PACRG: variants seen among roughly 807,000 people sequenced by gnomAD.
PACRG encodes parkin coregulated, also known as parkin coregulated gene protein.
Under a neutral mutation model 29.7 loss-of-function variants are expected in PACRG, and 29 were observed. The ratio of observed to expected loss-of-function variants is 0.98; its 90% confidence interval spans 0.73 to 1.33. The LOEUF (loss-of-function observed/expected upper bound fraction) is 1.33, where lower values mean the gene tolerates loss of function less well. PACRG is among the 40% of genes most tolerant of loss of function. The pLI is 0.00. For synonymous variants in PACRG, 116 were observed against 118.7 expected (o/e 0.98, Z 0.15); for missense variants, 279 against 316.2 (o/e 0.88, Z 0.89).
chr6:163,174,231 C>CA (rs200099919), intron 4 of PACRG, among the ~76,000 whole-genome samples: 1 of 151,634 alleles, frequency 6.6e-6, no homozygotes, highest in East Asian at 1.9e-4. Context: ...AAACAAATTG[C>CA]AAAAAAAATC....
At chr6:162,989,722 C>CTG (rs1554327873) in intron 2 of PACRG, among the ~76,000 whole-genome samples, 1 of 142,042 alleles carries the variant, frequency 7.0e-6, no homozygotes, top group Admixed American at 7.0e-5. Context: ...TCAGTACTTC[C>CTG]TTTTTTTTTT....
At chr6:163,225,177 T>A (rs938673138) in intron 4 of PACRG, among the ~76,000 whole-genome samples, 3 of 152,192 alleles carry the variant, frequency 2.0e-5, no homozygotes, top group African/African-American at 7.2e-5. Flanking sequence ...ATGGCTAATA[T>A]CAAAATGACA....
At chr6:163,079,953 A>G (rs1204968096) in intron 3 of PACRG, among the ~76,000 whole-genome samples, 1 of 124,366 alleles carries the variant, frequency 8.0e-6, no homozygotes, top group Non-Finnish European at 1.6e-5. Context: ...GCTGGAGTGC[A>G]GTGGCGCGGT....
At chr6:162,981,172 T>G (rs7747887) in intron 2 of PACRG, among the ~76,000 whole-genome samples, 62,584 of 151,428 alleles carry the variant, frequency 0.41, 13,192 homozygotes, top group East Asian at 0.7. Context: ...TCACTTGGAA[T>G]AATACTCTCC....
At chr6:162,870,430 T>C (rs1438636321) in intron 2 of PACRG, among the ~76,000 whole-genome samples, 1 of 152,246 alleles carries the variant, frequency 6.6e-6, no homozygotes, top group East Asian at 1.9e-4. Flanking sequence ...TTTTTTAAAA[T>C]TCTTATTTCC....
intron 2 of PACRG, among the ~76,000 whole-genome samples, chr6:162,821,531 A>C (rs1787840037): frequency 1.3e-5 from 2 of 152,186 alleles, no homozygotes; most frequent in South Asian, 4.1e-4. Flanking sequence ...GTTGAAAAGT[A>C]GGTCTTGGTA....
At chr6:162,995,789 T>C (rs1021599915) in intron 2 of PACRG, among the ~76,000 whole-genome samples, 25 of 152,220 alleles carry the variant, frequency 1.6e-4, no homozygotes, top group African/African-American at 6.0e-4. Context: ...TAAGCCTGAG[T>C]AATATCCTGT....
In PACRG at chr6:162,757,713, A is replaced by T. The variant is rs180684531; in HGVS notation, c.156+29322A>T. Among the ~76,000 whole-genome samples the T allele has an allele frequency of 3.9e-5, 6 of 152,196 alleles. No homozygotes were observed. The East Asian group carries it at 9.7e-4, about 24-fold the overall frequency. ...CAGAGCGAGACTCTGTCTAAAAAAT[A>T]AATAAATAAATAAATAAAATTAAAA... On this transcript the variant is annotated intron_variant, in intron 1 of 4. Transcript: ENST00000366888.
chr6:163,112,743 C>T (rs971685006), intron 4 of PACRG, among the ~76,000 whole-genome samples: 2 of 152,120 alleles, frequency 1.3e-5, no homozygotes, highest in African/African-American at 2.4e-5. Context: ...CAACAGAGAA[C>T]AATTTTTTTA....
intron 2 of PACRG, among the ~76,000 whole-genome samples, chr6:163,043,617 T>A (rs1157234678): frequency 1.3e-5 from 2 of 152,048 alleles, no homozygotes; most frequent in Non-Finnish European, 2.9e-5. Flanking sequence ...GGGGTCTGAA[T>A]GGTGGTATTG....
chr6:162,768,960 CTG>C (rs1437273693), intron 1 of PACRG, among the ~76,000 whole-genome samples: 2 of 152,156 alleles, frequency 1.3e-5, no homozygotes, highest in African/African-American at 4.8e-5. Context: ...GTATAGCACT[CTG>C]TGCTTAACCC....
chr6:163,248,932 C>T (rs1782795907), intron 4 of PACRG, among the ~76,000 whole-genome samples: 1 of 147,754 alleles, frequency 6.8e-6, no homozygotes, highest in Non-Finnish European at 1.5e-5. Context: ...AGGAGAATGG[C>T]GTGAACCCGG....
chr6:163,022,652 T>G (rs1014326411), intron 2 of PACRG, among the ~76,000 whole-genome samples: 5 of 152,262 alleles, frequency 3.3e-5, no homozygotes, highest in African/African-American at 1.2e-4. Flanking sequence ...AGTTATTACA[T>G]GTAATGAAAT....
chr6:162,934,369 C>G (rs555111363), intron 2 of PACRG, among the ~76,000 whole-genome samples: 6 of 152,312 alleles, frequency 3.9e-5, no homozygotes, highest in African/African-American at 1.4e-4. Context: ...GGCTCAAACA[C>G]CTTCCATTAG....
At chr6:163,234,338 T>C (rs1782153741) in intron 4 of PACRG, among the ~76,000 whole-genome samples, 1 of 152,160 alleles carries the variant, frequency 6.6e-6, no homozygotes, top group Non-Finnish European at 1.5e-5. Flanking sequence ...TTCTCACTCT[T>C]AGTTCCTGCA....
At chr6:162,921,829 G>A (rs1203639264) in intron 2 of PACRG, among the ~76,000 whole-genome samples, 1 of 152,104 alleles carries the variant, frequency 6.6e-6, no homozygotes, top group Non-Finnish European at 1.5e-5. Context: ...AGAATTAATT[G>A]AAGGAAAACA....
intron 2 of PACRG, among the ~76,000 whole-genome samples, chr6:163,056,594 C>T (rs895815342): frequency 6.6e-6 from 1 of 152,026 alleles, no homozygotes; most frequent in East Asian, 1.9e-4. Flanking sequence ...CCATTACCCC[C>T]CAGAAGCAGG....
intron 2 of PACRG, among the ~76,000 whole-genome samples, chr6:162,876,637 A>T (rs1043098181): frequency 2.6e-5 from 4 of 152,116 alleles, no homozygotes; most frequent in Non-Finnish European, 5.9e-5. Context: ...AGATTGCAAA[A>T]ATTTTCTCCC....
rs1435004025 is a variant in PACRG at position 163,022,864 on chromosome 6, A to T, written c.292-39286A>T. Among the ~76,000 whole-genome samples the T allele has an allele frequency of 2.0e-5, 3 of 152,172 alleles. No individual in the cohort carries two copies. In the South Asian group the frequency reaches 6.2e-4, roughly 32 times the overall value. On this transcript the variant is annotated intron_variant, in intron 2 of 4. Coordinates refer to ENST00000366888, the MANE Select transcript of PACRG (RefSeq NM_001080379.2). ...CTGCTTCTCTTTCTTTGAGATTTCC[A>T]TCCTATTAAGAGCAGAAAGGAGCAA...
Sources: gnomAD v4.1 joint callset for allele counts (sites outside exome capture counted in the v4.1 genomes callset) on GRCh38, gnomAD v4.1.1 for gene constraint, MANE v1.5 for transcripts, NCBI Gene and HGNC (gene_info 2026-07-23, HGNC 2026-07-21) for gene names.